The following SCN9A variants were observed in gnomAD, a reference collection of about 807,000 sequenced individuals.
SCN9A encodes the protein sodium voltage-gated channel alpha subunit 9, also known as sodium channel protein type 9 subunit alpha.
Under a neutral mutation model 187.0 loss-of-function variants are expected in SCN9A, and 131 were observed. The observed-to-expected ratio is 0.70, with a 90% CI of 0.61 to 0.81. SCN9A has a LOEUF of 0.81. Among genes scored for constraint, SCN9A ranks in the 30% least tolerant of loss-of-function variants. The pLI, the probability that SCN9A is intolerant of heterozygous loss-of-function variation, is 0.00. For synonymous variants in SCN9A, 809 were observed against 808.6 expected (o/e 1.00, Z -0.01); for missense variants, 2,252 against 2,396.6 (o/e 0.94, Z 1.26).
chr2:166,220,067 T>G (rs1468994420), intron 24 of SCN9A, among the ~76,000 whole-genome samples: 2 of 152,156 alleles, frequency 1.3e-5, no homozygotes, highest in East Asian at 3.9e-4. Flanking sequence ...TAAATGATCA[T>G]GTACTACGAC....
At chr2:166,258,421 T>A (rs1490795130) in intron 17 of SCN9A, among the ~76,000 whole-genome samples, 7 of 151,626 alleles carry the variant, frequency 4.6e-5, no homozygotes, top group South Asian at 4.1e-4. Flanking sequence ...TAATATTACT[T>A]CTGGAATAAA....
Position 166,197,726 on chromosome 2 carries a change from A to G in SCN9A, c.*946T>C, listed in dbSNP as rs1693284915. 1 of 152,220 alleles carries G rather than the reference A, an allele frequency of 6.6e-6. No individual in the cohort carries two copies. Among genetic ancestry groups the G allele is most frequent in the Non-Finnish European group, 1.5e-5 (1 of 68,020 alleles). 9.4% of individuals were successfully genotyped at this position (152,220 alleles called of 1,614,324 possible). On this transcript the variant is annotated 3_prime_UTR_variant, in exon 27 of 27. Coordinates refer to ENST00000642356, the MANE Select transcript of SCN9A (RefSeq NM_001365536.1). Reference sequence around the variant, plus strand: ...CTTTGCTTACAGCGAAAGGATGACTAAACAATACTGCATAAGAAAGCAGGA... The same window carrying G: ...CTTTGCTTACAGCGAAAGGATGACTGAACAATACTGCATAAGAAAGCAGGA...
intron 16 of SCN9A, among the ~76,000 whole-genome samples, chr2:166,274,023 T>G (rs1697117848): frequency 6.6e-6 from 1 of 152,164 alleles, no homozygotes; most frequent in African/African-American, 2.4e-5. Context: ...GTTTAATAGT[T>G]GTCAATGAAA....
At chr2:166,304,041 T>A (rs776476300) in intron 6 of SCN9A, 197 bp downstream of exon 6, 6 of 1,613,256 alleles carry the variant, frequency 3.7e-6, no homozygotes, top group South Asian at 1.1e-5. Flanking sequence ...CTGGAATGAC[T>A]GAAATTGTTT....
chr2:166,319,634 T>C (rs1453966836), intron 1 of SCN9A, among the ~76,000 whole-genome samples: 2 of 152,112 alleles, frequency 1.3e-5, no homozygotes, highest in African/African-American at 4.8e-5. Context: ...AATACATACA[T>C]AATTATAATA....
At chr2:166,360,049 C>T (rs1429606614) in intron 1 of SCN9A, among the ~76,000 whole-genome samples, 1 of 151,040 alleles carries the variant, frequency 6.6e-6, no homozygotes, top group African/African-American at 2.4e-5. Context: ...TGGAGAAACC[C>T]CGTCTCTACT....
chr2:166,260,956 T>A (rs1574825142), intron 17 of SCN9A, among the ~76,000 whole-genome samples: 3 of 151,812 alleles, frequency 2.0e-5, no homozygotes, highest in Non-Finnish European at 4.4e-5. Context: ...AGTTTTTTAT[T>A]ATTTAACTTA....
chr2:166,252,002 TATG>T (rs1696064491), intron 17 of SCN9A, 117 bp from the exon 18 acceptor site: 1 of 1,150,624 alleles, frequency 8.7e-7, no homozygotes, highest in African/African-American at 1.5e-5. Context: ...AGATTAATAG[TATG>T]ATGGCCATAA....
At chr2:166,211,510 T>C (rs1694092120) in intron 24 of SCN9A, among the ~76,000 whole-genome samples, 1 of 96,304 alleles carries the variant, frequency 1.0e-5, no homozygotes, top group African/African-American at 3.7e-5. Context: ...TGTAATACTC[T>C]AATAGTATTA....
At chr2:166,249,352 C>G (rs1378110385) in intron 18 of SCN9A, 2 of 152,090 alleles carry the variant, frequency 1.3e-5, no homozygotes, top group African/African-American at 4.8e-5. Flanking sequence ...GCTCCATCTC[C>G]CTCCAGTGCC....
At chr2:166,237,208 ATAAT>A (rs1325058718) in intron 20 of SCN9A, among the ~76,000 whole-genome samples, 2 of 151,336 alleles carry the variant, frequency 1.3e-5, no homozygotes, top group Non-Finnish European at 2.9e-5. Flanking sequence ...AAAATATAAA[ATAAT>A]TAGAGTACAT....
chr2:166,286,672 A>C (rs201705693), intron 10 of SCN9A, 49 bp from the exon 11 acceptor site: 1 of 1,420,064 alleles, frequency 7.0e-7, no homozygotes, highest in Non-Finnish European at 9.3e-7. Flanking sequence ...TCCAAATCCT[A>C]GGAAACCCTA....
chr2:166,311,760 T>C lies in SCN9A; in HGVS notation c.-4A>G. 2 of 1,591,092 alleles carry C rather than the reference T, an allele frequency of 1.3e-6. No homozygotes were observed. The highest frequency in any genetic ancestry group is 8.6e-7 in the Non-Finnish European group (1 of 1,165,974). ...CTGGGGGAGGCAACATTGCCATCTT[T>C]TCATCCTGTATATTTTAATTCCTCT... is the stretch of plus-strand genomic sequence containing the variant. On this transcript the variant is annotated 5_prime_UTR_variant, in exon 2 of 27. Coordinates refer to ENST00000642356, the MANE Select transcript of SCN9A (RefSeq NM_001365536.1).
chr2:166,304,225 A>G lies in SCN9A; in HGVS notation c.688+13T>C, dbSNP rs74449889. The G allele has an allele frequency of 0.016, 25,633 of 1,612,160 alleles. 2,092 individuals are homozygous for G. In the Admixed American group the frequency reaches 0.2, roughly 12 times the overall value. On this transcript the variant is annotated intron_variant, in intron 6 of 26. Coordinates refer to ENST00000642356, the MANE Select transcript of SCN9A (RefSeq NM_001365536.1). ...TATGAGTGGCCTAATGCTTCACACC[A>G]ATTACTTCTTACCTGGGATTACAGA...
Position 166,239,866 on chromosome 2 carries a change from C to A in SCN9A, c.3628-1599G>T, listed in dbSNP as rs988498105. On this transcript the variant is annotated intron_variant, in intron 19 of 26. Transcript: ENST00000642356. ...TCCCAGAGCAGGAATTAGAATTCAG[C>A]CCACAGGGGTTCTAGCTTCCAGAAC... Among the ~76,000 whole-genome samples the A allele has an allele frequency of 3.9e-5, 6 of 152,146 alleles. No individual in the cohort carries two copies. In the East Asian group the frequency reaches 1.2e-3, roughly 29 times the overall value.
chr2:166,210,851 G>T (rs537808662), intron 24 of SCN9A, among the ~76,000 whole-genome samples: 1 of 152,066 alleles, frequency 6.6e-6, no homozygotes, highest in Admixed American at 6.6e-5. Context: ...CCTGAGGTCA[G>T]GAGTTCAAGA....
chr2:166,307,217 AT>A, intron 2 of SCN9A, 143 bp from the exon 3 acceptor site: 3 of 561,504 alleles, frequency 5.3e-6, no homozygotes. Flanking sequence ...TTCCAATGTC[AT>A]CAACGCATCT....
intron 18 of SCN9A, 87 bp downstream of exon 18, chr2:166,251,678 G>A (rs1422190696): frequency 2.5e-5 from 36 of 1,431,118 alleles, no homozygotes; most frequent in Middle Eastern, 1.8e-4. Context: ...CTGACTTACC[G>A]ACAACCTCTG....
intron 24 of SCN9A, among the ~76,000 whole-genome samples, chr2:166,209,497 A>C (rs781670423): frequency 7.9e-5 from 12 of 152,104 alleles, no homozygotes; most frequent in South Asian, 2.1e-4. Context: ...CACACACACA[A>C]AAAGTCAAAT....
Sources: gnomAD v4.1 joint callset for allele counts (sites outside exome capture counted in the v4.1 genomes callset) on GRCh38, gnomAD v4.1.1 for gene constraint, MANE v1.5 for transcripts, NCBI Gene and HGNC (gene_info 2026-07-23, HGNC 2026-07-21) for gene names.